Variants in PSG5 observed in about 807,000 individuals in gnomAD.
PSG5 encodes the protein pregnancy-specific beta-1-glycoprotein 5.
A neutral mutation model predicts 37.7 loss-of-function variants in PSG5; 53 were observed. That is an observed-to-expected ratio of 1.41 (90% confidence interval 1.13 to 1.77). The LOEUF (loss-of-function observed/expected upper bound fraction) is 1.77, where lower values mean the gene tolerates loss of function less well. Ranked by LOEUF, PSG5 falls within the 40% of genes most tolerant of loss-of-function variation. The pLI, the probability that PSG5 is intolerant of heterozygous loss-of-function variation, is 0.00. For missense variants in PSG5, 547 were observed against 405.2 expected, an observed-to-expected ratio of 1.35 and a Z score of -3.00; for synonymous variants, 221 against 155.4, an observed-to-expected ratio of 1.42 and a Z score of -3.14.
chr19:43,177,384 A>G (rs188403085), intron 2 of PSG5, among the ~76,000 whole-genome samples: 37 of 151,696 alleles, frequency 2.4e-4, no homozygotes, highest in South Asian at 1.5e-3. Flanking sequence ...TTTGTCATAT[A>G]CTTACTGGTT....
Position 43,175,128 on chromosome 19 carries a change from G to A in PSG5, c.964+87C>T, listed in dbSNP as rs754243056. The A allele has an allele frequency of 3.0e-5, 48 of 1,608,912 alleles. 1 individual carries two copies. The highest frequency in any genetic ancestry group is 4.4e-4 in the Middle Eastern group (2 of 4,550). ...CTTGTGCCCATGGGACACAGGCTGGGAATAAAAATGTTTTCCTAACTCTTC... is the reference window on the plus strand; with the variant it reads ...CTTGTGCCCATGGGACACAGGCTGGAAATAAAAATGTTTTCCTAACTCTTC... On this transcript the variant is annotated intron_variant, in intron 4 of 5. Transcript: ENST00000342951.
chr19:43,178,605 G>A (rs1969060811), intron 2 of PSG5, among the ~76,000 whole-genome samples: 1 of 151,626 alleles, frequency 6.6e-6, no homozygotes, highest in African/African-American at 2.4e-5. Context: ...AATCCCCGCT[G>A]TGTTCACTGA....
Position 43,176,106 on chromosome 19 carries a change from G to T in PSG5, c.473C>A (p.Pro158His). 1 of 1,611,176 alleles carries T rather than the reference G, an allele frequency of 6.2e-7. No individual in the cohort carries two copies. The change falls in exon 3 of 6, where the codon CCC (proline) becomes CAC (histidine). Residue 158 changes from proline (P) to histidine (H), a missense_variant. Pro to His is a moderately conservative substitution (Grantham distance 77, BLOSUM62 -2). Coordinates refer to ENST00000342951, the MANE Select transcript of PSG5 (RefSeq NM_002781.4). Reference protein sequence around the residue: ...KPYITINNSKPRENKDVLAFT... With the variant: ...KPYITINNSKHRENKDVLAFT... ...GGCTAAGACATCCTTATTCTCCCTG[G>T]GTTTTGAGTTGTTGATGGTGATGTA...
Position 43,171,992 on chromosome 19 carries a change from A to AG in PSG5, c.965-1855_965-1854insC, listed in dbSNP as rs1037778072. The stretch of plus-strand genomic sequence containing the variant: ...AGCCCGTCCCTCTCTTCAAAAAAAA[A>AG]AAAAAAGAAAAAGAAAGAAAGAAAA... On this transcript the variant is annotated intron_variant, in intron 4 of 5. Transcript: ENST00000342951. Among the ~76,000 whole-genome samples, 695 of 150,594 alleles carry AG rather than the reference A, an allele frequency of 4.6e-3. 19 individuals carry two copies. Among genetic ancestry groups the AG allele is most frequent in the African/African-American group, 0.016 (662 of 40,870 alleles).
At chr19:43,182,695 C>A in intron 2 of PSG5, among the ~76,000 whole-genome samples, 1 of 77,742 alleles carries the variant, frequency 1.3e-5, no homozygotes. Flanking sequence ...TAGAAACCAA[C>A]ATTTCAATAA....
chr19:43,174,852 T>G (rs1968971376), intron 4 of PSG5: 5 of 1,156,912 alleles, frequency 4.3e-6, no homozygotes, highest in Non-Finnish European at 5.7e-6. Context: ...GCTCATGGAA[T>G]AGGTACAAGG....
Position 43,170,104 on chromosome 19 carries a change from A to G in PSG5, c.999T>C (p.Asn333=). The part of the protein sequence containing the change: ...PSGIGRLPLL[N]PI ...AATGACTTCACGGCTGCTATATTGGATTAAGGAGAGGAAGACGTCCTATTC... is the reference window on the plus strand; with the variant it reads ...AATGACTTCACGGCTGCTATATTGGGTTAAGGAGAGGAAGACGTCCTATTC... Residue 333 remains asparagine, a synonymous_variant, in exon 5 of 6, where the codon AAT becomes AAC. Transcript: ENST00000342951. The G allele has an allele frequency of 6.3e-7, 1 of 1,587,782 alleles. No individual in the cohort carries two copies. The highest frequency in any genetic ancestry group is 8.6e-7 in the Non-Finnish European group (1 of 1,160,534).
At chr19:43,170,656 T>C (rs985083540) in intron 4 of PSG5, 15 of 223,638 alleles carry the variant, frequency 6.7e-5, no homozygotes, top group Non-Finnish European at 1.5e-4. Flanking sequence ...TCTTTAACTC[T>C]AAAGGGTGAC....
At chr19:43,172,680 G>C (rs1968929814) in intron 4 of PSG5, among the ~76,000 whole-genome samples, 2 of 151,464 alleles carry the variant, frequency 1.3e-5, no homozygotes, top group South Asian at 4.2e-4. Context: ...AACCAAAGAG[G>C]TGAAATAATT....
chr19:43,182,690 A>G (rs1201768728), intron 2 of PSG5, among the ~76,000 whole-genome samples: 2 of 88,414 alleles, frequency 2.3e-5, no homozygotes, highest in Non-Finnish European at 5.0e-5. Flanking sequence ...TTGACTAGAA[A>G]CCAACATTTC....
chr19:43,183,474 G>C (rs1459636090), intron 2 of PSG5: 3 of 529,438 alleles, frequency 5.7e-6, no homozygotes, highest in Non-Finnish European at 1.2e-5. Flanking sequence ...AGCAGGGTCT[G>C]AGTGGGGAAA....
intron 3 of PSG5, 125 bp from the exon 4 acceptor site, chr19:43,175,594 C>G: frequency 6.9e-7 from 1 of 1,456,218 alleles, no homozygotes; most frequent in Non-Finnish European, 9.2e-7. Context: ...CGAACCCCCA[C>G]TATATTCACT....
In PSG5 at chr19:43,176,238, G is replaced by C. The variant is rs191638119; in HGVS notation, c.431-90C>G. ...CAATCAGAGTTGGCATCTCCCACCT[G>C]TCAACCCACCAGAGTCCTTGAAAGC... On this transcript the variant is annotated intron_variant, in intron 2 of 5. Transcript: ENST00000342951. 595 of 1,561,160 alleles carry C rather than the reference G, an allele frequency of 3.8e-4. 15 individuals carry two copies. The East Asian group carries it at 8.3e-3, about 22-fold the overall frequency.
chr19:43,183,016 G>A (rs898296599), intron 2 of PSG5, among the ~76,000 whole-genome samples: 6 of 151,116 alleles, frequency 4.0e-5, no homozygotes, highest in African/African-American at 1.5e-4. Flanking sequence ...GGGAGTGTCT[G>A]GGGAAGGCCT....
intron 4 of PSG5, among the ~76,000 whole-genome samples, chr19:43,173,106 A>G (rs1004619743): frequency 6.6e-6 from 1 of 151,698 alleles, no homozygotes; most frequent in African/African-American, 2.4e-5. Flanking sequence ...GGAGTGTTCC[A>G]AGATCATTCA....
At chr19:43,186,065 C>T (rs1252393088) in intron 1 of PSG5, among the ~76,000 whole-genome samples, 1 of 151,210 alleles carries the variant, frequency 6.6e-6, no homozygotes, top group African/African-American at 2.4e-5. Context: ...CAACTTCTGC[C>T]TCCCGGGTTC....
At chr19:43,168,671 G>T (rs145106686) in intron 5 of PSG5, among the ~76,000 whole-genome samples, 1 of 151,666 alleles carries the variant, frequency 6.6e-6, no homozygotes, top group African/African-American at 2.4e-5. Context: ...CGCGCCCAGC[G>T]TAGAATACTC....
intron 4 of PSG5, 197 bp downstream of exon 4, chr19:43,175,018 G>A (rs1348525883): frequency 6.8e-7 from 1 of 1,479,348 alleles, no homozygotes; most frequent in African/African-American, 1.4e-5. Flanking sequence ...CAGACACAAG[G>A]TCAGCCATGA....
intron 2 of PSG5, among the ~76,000 whole-genome samples, chr19:43,181,659 CAT>C (rs1437055745): frequency 2.0e-5 from 3 of 151,720 alleles, no homozygotes; most frequent in African/African-American, 7.3e-5. Flanking sequence ...GGAGTTTCAA[CAT>C]GTTAGCCAGG....
Sources: allele counts gnomAD v4.1 joint callset (sites outside exome capture counted in the v4.1 genomes callset), GRCh38; gene constraint gnomAD v4.1.1; transcripts MANE v1.5; gene names NCBI Gene and HGNC (gene_info 2026-07-23, HGNC 2026-07-21).